The following MAP4K5 variants were observed in gnomAD, a reference collection of about 807,000 sequenced individuals.
The protein encoded by MAP4K5 is mitogen-activated protein kinase kinase kinase kinase 5, also known as MAPK/ERK kinase kinase kinase 5.
MAP4K5 carries 82 observed loss-of-function variants against 135.6 expected under a neutral mutation model. The ratio of observed to expected loss-of-function variants is 0.60; its 90% CI spans 0.51 to 0.73. The LOEUF (loss-of-function observed/expected upper bound fraction) is 0.73. MAP4K5 is among the 30% of genes least tolerant of loss of function. The pLI is 0.00. For synonymous variants in MAP4K5, 347 were observed against 335.0 expected (o/e 1.04, Z -0.39); for missense variants, 907 against 1,010.9 (o/e 0.90, Z 1.39).
intron 6 of MAP4K5, among the ~76,000 whole-genome samples, chr14:50,476,707 C>T (rs1242986404): frequency 6.6e-6 from 1 of 152,218 alleles, no homozygotes; most frequent in African/African-American, 2.4e-5. Flanking sequence ...AGTGATCCAC[C>T]CGCCTCAGCC....
At chr14:50,442,289 T>C (rs1045317988) in intron 21 of MAP4K5, among the ~76,000 whole-genome samples, 2 of 152,116 alleles carry the variant, frequency 1.3e-5, no homozygotes, top group Admixed American at 6.6e-5. Context: ...ATGTAAATGT[T>C]TGTTTTCTGA....
At chr14:50,436,478 T>C (rs1401034095) in intron 26 of MAP4K5, among the ~76,000 whole-genome samples, 3 of 151,980 alleles carry the variant, frequency 2.0e-5, no homozygotes, top group African/African-American at 7.3e-5. Context: ...GGGTGGGGGC[T>C]TTGGGTCATG....
intron 9 of MAP4K5, among the ~76,000 whole-genome samples, chr14:50,474,568 T>C (rs986315341): frequency 5.9e-5 from 9 of 151,608 alleles, no homozygotes; most frequent in Non-Finnish European, 1.5e-5. Flanking sequence ...GCACTAAGAG[T>C]GGGGTGGCTG....
intron 14 of MAP4K5, among the ~76,000 whole-genome samples, chr14:50,454,451 C>T (rs1190869255): frequency 6.6e-6 from 1 of 151,994 alleles, no homozygotes; most frequent in Admixed American, 6.6e-5. Flanking sequence ...GCTACCACTT[C>T]AATTTAAAAC....
chr14:50,457,119 G>T (rs2139783146), intron 13 of MAP4K5, among the ~76,000 whole-genome samples: 1 of 152,294 alleles, frequency 6.6e-6, no homozygotes, highest in Non-Finnish European at 1.5e-5. Flanking sequence ...GGCAGTGGGG[G>T]TTGATTATTA....
chr14:50,518,844 G>T (rs1351853644), intron 2 of MAP4K5, among the ~76,000 whole-genome samples: 1 of 152,176 alleles, frequency 6.6e-6, no homozygotes, highest in Non-Finnish European at 1.5e-5. Flanking sequence ...GCAAAGGAAA[G>T]GGAGGAAAGG....
Position 50,503,597 on chromosome 14 carries a change from GA to G in MAP4K5, c.166+1202del, listed in dbSNP as rs531220123. On this transcript the variant is annotated intron_variant, in intron 3 of 32. Coordinates refer to ENST00000682126, the MANE Select transcript of MAP4K5 (RefSeq NM_006575.6). The stretch of plus-strand genomic sequence containing the variant: ...AATACACTCATTAATTCATTATAAT[GA>G]ACTATAATATTAGGTTGGCAAAAAC... Among the ~76,000 whole-genome samples the G allele has an allele frequency of 1.1e-4, 16 of 151,958 alleles. No individual in the cohort carries two copies. The South Asian group carries it at 3.3e-3, about 31-fold the overall frequency.
At chr14:50,509,474 C>CT (rs2037884840) in intron 2 of MAP4K5, among the ~76,000 whole-genome samples, 1 of 152,132 alleles carries the variant, frequency 6.6e-6, no homozygotes, top group South Asian at 2.1e-4. Flanking sequence ...TACTAATCCT[C>CT]TTTCACATTA....
chr14:50,547,144 A>C (rs1294296972), intron 1 of MAP4K5, among the ~76,000 whole-genome samples: 1 of 152,200 alleles, frequency 6.6e-6, no homozygotes, highest in Non-Finnish European at 1.5e-5. Context: ...CAGGAAAATA[A>C]GTTAGAATAG....
intron 3 of MAP4K5, among the ~76,000 whole-genome samples, chr14:50,497,031 T>C (rs886640633): frequency 3.9e-5 from 6 of 152,198 alleles, no homozygotes; most frequent in Non-Finnish European, 5.9e-5. Context: ...AAGATAGTTA[T>C]CAAAACGAAA....
chr14:50,434,794 G>A (rs528858869), intron 27 of MAP4K5, among the ~76,000 whole-genome samples, 168 bp downstream of exon 27: 1 of 152,226 alleles, frequency 6.6e-6, no homozygotes, highest in Non-Finnish European at 1.5e-5. Context: ...TTTATTATCA[G>A]TTAAAGAGTA....
At chr14:50,522,126 C>T (rs934961145) in intron 2 of MAP4K5, among the ~76,000 whole-genome samples, 1 of 151,990 alleles carries the variant, frequency 6.6e-6, no homozygotes, top group African/African-American at 2.4e-5. Context: ...TGTATTCTAT[C>T]CCATTTGTCT....
chr14:50,519,916 C>G (rs929869060), intron 2 of MAP4K5, among the ~76,000 whole-genome samples: 1 of 152,098 alleles, frequency 6.6e-6, no homozygotes, highest in Non-Finnish European at 1.5e-5. Context: ...GCTGAAAATG[C>G]AAAACTAGTT....
chr14:50,511,703 A>T (rs1566687322), intron 2 of MAP4K5, among the ~76,000 whole-genome samples: 1 of 152,146 alleles, frequency 6.6e-6, no homozygotes, highest in Admixed American at 6.5e-5. Flanking sequence ...AATTTTTTTA[A>T]ATTAAATTTA....
chr14:50,448,701 A>G (rs2036414003), intron 15 of MAP4K5, 73 bp downstream of exon 15: 1 of 808,652 alleles, frequency 1.2e-6, no homozygotes, highest in Admixed American at 2.7e-5. Flanking sequence ...TTTTCTAATC[A>G]AAGTACAACT....
At chr14:50,528,078 C>G (rs1274105043) in intron 2 of MAP4K5, among the ~76,000 whole-genome samples, 1 of 152,070 alleles carries the variant, frequency 6.6e-6, no homozygotes, top group Non-Finnish European at 1.5e-5. Context: ...ACAGTAATTA[C>G]AAATAAAAGC....
At chr14:50,493,051 A>G (rs1385989776) in intron 3 of MAP4K5, among the ~76,000 whole-genome samples, 2 of 151,920 alleles carry the variant, frequency 1.3e-5, no homozygotes, top group African/African-American at 4.8e-5. Context: ...GAAAAAAAAA[A>G]AGAGAATGAA....
chr14:50,549,853 C>A (rs987291030), intron 1 of MAP4K5, among the ~76,000 whole-genome samples: 1 of 152,200 alleles, frequency 6.6e-6, no homozygotes, highest in African/African-American at 2.4e-5. Context: ...TGAAACCATA[C>A]AAATTTTAAA....
At chr14:50,486,312 A>G (rs372287450) in intron 3 of MAP4K5, 118 bp from the exon 4 acceptor site, 22 of 496,520 alleles carry the variant, frequency 4.4e-5, no homozygotes, top group East Asian at 1.9e-4. Flanking sequence ...TAATACTTCA[A>G]TGAAAATGTA....
Sources: allele counts gnomAD v4.1 joint callset (sites outside exome capture counted in the v4.1 genomes callset), GRCh38; gene constraint gnomAD v4.1.1; transcripts MANE v1.5; gene names NCBI Gene and HGNC (gene_info 2026-07-23, HGNC 2026-07-21).